The following VPS13B variants were observed in gnomAD, a reference collection of about 807,000 sequenced individuals.
VPS13B encodes vacuolar protein sorting 13 homolog B.
Under a neutral mutation model 426.4 loss-of-function variants are expected in VPS13B, and 285 were observed. The ratio of observed to expected loss-of-function variants is 0.67; its 90% confidence interval spans 0.61 to 0.74. The LOEUF (loss-of-function observed/expected upper bound fraction) is 0.74, where lower values mean the gene tolerates loss of function less well. VPS13B is among the 30% of genes least tolerant of loss of function. VPS13B has a pLI of 0.00. For synonymous variants in VPS13B, 1,676 were observed against 1,676.4 expected, an observed-to-expected ratio of 1.00 and a Z score of 0.01; for missense variants, 4,537 against 4,782.6, an observed-to-expected ratio of 0.95 and a Z score of 1.51.
intron 40 of VPS13B, among the ~76,000 whole-genome samples, chr8:99,776,263 G>GAGATCAGTATGATCAT (rs1811737011): frequency 6.6e-6 from 1 of 152,202 alleles, no homozygotes; most frequent in South Asian, 2.1e-4. Context: ...CATTGATTTG[G>GAGATCAGTATGATCAT]AGATCAGTAT....
Position 99,720,881 on chromosome 8 carries a change from G to C in VPS13B, c.6884G>C (p.Gly2295Ala). Residue 2295 changes from glycine (G) to alanine (A), a missense_variant, in exon 39 of 62, where the codon GGG (glycine) becomes GCG (alanine). Around this residue, in one of 2 missense-constraint regions of VPS13B, gnomAD observed 4,311 missense variants for 4,474.3 expected, o/e 0.96. Transcript: ENST00000357162. ...TTGACAGAATCTTTGAAATTGCCTGGGGTCTATGAAGTCTTATTTTATAAT... is the reference window on the plus strand; with the variant it reads ...TTGACAGAATCTTTGAAATTGCCTGCGGTCTATGAAGTCTTATTTTATAAT... ...VQDAESLKLPGVYEVLFYNET... is the reference protein window; with the variant it reads ...VQDAESLKLPAVYEVLFYNET... 6.2e-7 allele frequency: 1 copy of C among 1,613,380 alleles called. No homozygotes were observed. The highest frequency in any genetic ancestry group is 8.5e-7 in the Non-Finnish European group (1 of 1,179,726).
At chr8:99,185,222 A>G (rs930492961) in intron 16 of VPS13B, among the ~76,000 whole-genome samples, 4 of 152,190 alleles carry the variant, frequency 2.6e-5, no homozygotes, top group Non-Finnish European at 5.9e-5. Context: ...TTATAAATGT[A>G]TATTTGAGTG....
intron 31 of VPS13B, among the ~76,000 whole-genome samples, chr8:99,564,759 A>G (rs762690135): frequency 2.0e-5 from 3 of 152,244 alleles, no homozygotes; most frequent in African/African-American, 4.8e-5. Flanking sequence ...AAACTACAGT[A>G]AACTAAATTT....
At chr8:99,699,989 T>C in intron 36 of VPS13B, 57 bp downstream of exon 36, 4 of 1,578,106 alleles carry the variant, frequency 2.5e-6, no homozygotes, top group Non-Finnish European at 3.4e-6. Context: ...TTTGTTAACA[T>C]CTGAAAATGC....
intron 33 of VPS13B, among the ~76,000 whole-genome samples, chr8:99,618,426 A>G (rs1458664848): frequency 6.6e-6 from 1 of 152,228 alleles, no homozygotes; most frequent in Non-Finnish European, 1.5e-5. Context: ...GCTGAATCCT[A>G]GTTAATTGCA....
chr8:99,227,825 A>C (rs1400938478), intron 17 of VPS13B, among the ~76,000 whole-genome samples: 3 of 152,224 alleles, frequency 2.0e-5, no homozygotes, highest in South Asian at 4.1e-4. Flanking sequence ...ACAGTTCCAC[A>C]CTATAGTAAG....
At chr8:99,764,838 A>T (rs1811129058) in intron 39 of VPS13B, among the ~76,000 whole-genome samples, 1 of 152,208 alleles carries the variant, frequency 6.6e-6, no homozygotes, top group African/African-American at 2.4e-5. Flanking sequence ...ATTAATAAAC[A>T]CAGTACTGAA....
chr8:99,382,341 A>C (rs990234363), intron 19 of VPS13B, among the ~76,000 whole-genome samples: 2 of 152,134 alleles, frequency 1.3e-5, no homozygotes, highest in African/African-American at 4.8e-5. Context: ...ATTTTTAAAT[A>C]GTTTTTTCTA....
chr8:99,222,920 TC>T (rs1438346204), intron 17 of VPS13B, among the ~76,000 whole-genome samples: 4 of 152,206 alleles, frequency 2.6e-5, no homozygotes, highest in African/African-American at 9.7e-5. Flanking sequence ...TACAGCAACC[TC>T]CGCCTCCTGG....
intron 33 of VPS13B, among the ~76,000 whole-genome samples, chr8:99,593,020 G>A (rs1040872464): frequency 5.9e-5 from 9 of 151,838 alleles, no homozygotes; most frequent in African/African-American, 1.7e-4. Context: ...ATTTCATGAC[G>A]AAGATGCCGA....
At position 99,250,540 on chromosome 8, in the gene VPS13B, C is replaced by T. The variant is rs906077547; in HGVS notation, c.2516-23658C>T. On this transcript the variant is annotated intron_variant, in intron 17 of 61. Coordinates refer to ENST00000357162, the MANE Select transcript of VPS13B (RefSeq NM_152564.5). Reference sequence around the variant, plus strand: ...TTTTTGCCTATGGCCTATTCTAGCACGATTTGTTGAAAAAGACTGTCTTTC... The same window carrying T: ...TTTTTGCCTATGGCCTATTCTAGCATGATTTGTTGAAAAAGACTGTCTTTC... Among the ~76,000 whole-genome samples, 15 of 142,310 alleles carry T rather than the reference C, an allele frequency of 1.1e-4. No individual in the cohort carries two copies. In the East Asian group the frequency reaches 2.2e-3, roughly 21 times the overall value. 93.4% of individuals were successfully genotyped at this position (142,310 alleles called of 152,430 possible).
At chr8:99,028,154 T>C (rs1842233997) in intron 2 of VPS13B, among the ~76,000 whole-genome samples, 1 of 152,004 alleles carries the variant, frequency 6.6e-6, no homozygotes, top group Non-Finnish European at 1.5e-5. Context: ...CTCAATCTTT[T>C]CCCCACCCTT....
At position 99,854,019 on chromosome 8, in the gene VPS13B, C is replaced by T. The variant is rs755327849; in HGVS notation, c.10630C>T (p.Pro3544Ser). Residue 3544 changes from proline (P) to serine (S), a missense_variant, in exon 56 of 62, where the codon CCC (proline) becomes TCC (serine). Physicochemically the swap from Pro to Ser is moderately conservative, Grantham distance 74. Coordinates refer to ENST00000357162, the MANE Select transcript of VPS13B (RefSeq NM_152564.5). ...THLSGGKQVLPMQVTQHARAL... is the reference protein window; with the variant it reads ...THLSGGKQVLSMQVTQHARAL... ...CCTCTCCGGGGGTAAACAGGTGTTG[C>T]CCATGCAGGTCACACAGCACGCCAG... 1.9e-6 allele frequency: 3 copies of T among 1,614,084 alleles called. No individual in the cohort carries two copies. The highest frequency in any genetic ancestry group is 2.5e-6 in the Non-Finnish European group (3 of 1,180,038).
At chr8:99,604,879 T>G (rs1238056013) in intron 33 of VPS13B, among the ~76,000 whole-genome samples, 1 of 152,188 alleles carries the variant, frequency 6.6e-6, no homozygotes, top group Non-Finnish European at 1.5e-5. Flanking sequence ...TCTACATAAA[T>G]CACATGGAAT....
At chr8:99,823,382 T>C (rs1358551731) in intron 50 of VPS13B, among the ~76,000 whole-genome samples, 1 of 152,204 alleles carries the variant, frequency 6.6e-6, no homozygotes, top group Non-Finnish European at 1.5e-5. Flanking sequence ...TCGTCATTAC[T>C]GAAGTTCTCA....
chr8:99,731,957 G>A (rs1263993693), intron 39 of VPS13B, among the ~76,000 whole-genome samples: 1 of 152,050 alleles, frequency 6.6e-6, no homozygotes, highest in Non-Finnish European at 1.5e-5. Flanking sequence ...AGAAGCTGAG[G>A]ATCTGAAAAG....
At chr8:99,639,659 T>TA (rs1829224576) in intron 33 of VPS13B, among the ~76,000 whole-genome samples, 3 of 148,212 alleles carry the variant, frequency 2.0e-5, no homozygotes, top group Non-Finnish European at 4.5e-5. Context: ...TATATATATA[T>TA]TATTATATAT....
chr8:99,043,863 T>C (rs1843080069), intron 3 of VPS13B, among the ~76,000 whole-genome samples: 1 of 152,140 alleles, frequency 6.6e-6, no homozygotes. Context: ...CCTTGAAGCA[T>C]TCTCTTTATT....
rs149318176 is a variant in VPS13B, at chr8:99,861,926, G to A, written c.11195G>A (p.Arg3732Gln). The A allele has an allele frequency of 1.6e-3, 2,543 of 1,595,114 alleles. 14 individuals carry two copies. Among genetic ancestry groups the A allele is most frequent in the Middle Eastern group, 6.8e-3 (40 of 5,846 alleles). ...GAGGGGCTTCGACAGGGCCTGTCCC[G>A]GCTGGGCATCAGCCTGCTTGGTAAG... ...LGEGLRQGLS[R>Q]LGISLLGAIA... Residue 3732 changes from arginine (R) to glutamine (Q), a missense_variant, in exon 58 of 62, where the codon CGG (arginine) becomes CAG (glutamine). Transcript: ENST00000357162.
Sources: gnomAD v4.1 joint callset for allele counts (sites outside exome capture counted in the v4.1 genomes callset) on GRCh38, gnomAD v4.1.1 for gene constraint, gnomAD v4.1.1 regional missense constraint, MANE v1.5 for transcripts, NCBI Gene and HGNC (gene_info 2026-07-23, HGNC 2026-07-21) for gene names.